Variants in TEKT1 observed in about 807,000 individuals in gnomAD.
The protein encoded by TEKT1 is tektin-1.
TEKT1 carries 32 observed loss-of-function variants against 34.8 expected under a neutral mutation model. That is an observed-to-expected ratio of 0.92 (90% confidence interval 0.69 to 1.23). The LOEUF is 1.23. Among genes scored for constraint, TEKT1 ranks in the 50% most tolerant of loss-of-function variants. The pLI is 0.00. For missense variants in TEKT1, 492 were observed against 518.5 expected (o/e 0.95, Z 0.50); for synonymous variants, 207 against 199.8 (o/e 1.04, Z -0.30).
chr17:6,826,649 TAG>T (rs1904405057), intron 2 of TEKT1, among the ~76,000 whole-genome samples: 1 of 151,592 alleles, frequency 6.6e-6, no homozygotes, highest in Admixed American at 6.6e-5. Context: ...GATAGATAGA[TAG>T]ATAGATAGAT....
intron 6 of TEKT1, among the ~76,000 whole-genome samples, chr17:6,802,768 T>C (rs1319429499): frequency 6.6e-6 from 1 of 152,176 alleles, no homozygotes; most frequent in African/African-American, 2.4e-5. Flanking sequence ...TTGCTGAGAA[T>C]GATGGTTTAG....
chr17:6,819,181 C>T lies in TEKT1; in HGVS notation c.356+12G>A, dbSNP rs567113768. ...ACAACACATGAATCATTTGAGGGAC[C>T]TTCGCTCCTACCTGTATGCCAGGCA... is the stretch of plus-strand genomic sequence containing the variant. On this transcript the variant is annotated intron_variant, in intron 3 of 7. Coordinates refer to ENST00000338694, the MANE Select transcript of TEKT1 (RefSeq NM_053285.2). 3.7e-6 allele frequency: 6 copies of T among 1,608,110 alleles called. No individual in the cohort carries two copies. The Admixed American group carries it at 8.5e-5, about 23-fold the overall frequency.
At chr17:6,812,700 A>G in intron 6 of TEKT1, 131 bp downstream of exon 6, 4 of 837,572 alleles carry the variant, frequency 4.8e-6, no homozygotes, top group Non-Finnish European at 7.4e-6. Flanking sequence ...GATATGAATG[A>G]CCCTTACCCA....
intron 5 of TEKT1, among the ~76,000 whole-genome samples, chr17:6,814,067 C>T (rs888215335): frequency 6.6e-6 from 1 of 151,736 alleles, no homozygotes; most frequent in African/African-American, 2.4e-5. Context: ...GGCCCACCAT[C>T]ACCCACAATC....
At chr17:6,830,831 T>G (rs144794289) in intron 1 of TEKT1, among the ~76,000 whole-genome samples, 1 of 152,156 alleles carries the variant, frequency 6.6e-6, no homozygotes, top group South Asian at 2.1e-4. Flanking sequence ...CTACTGTTTA[T>G]GGATATTTGG....
intron 2 of TEKT1, among the ~76,000 whole-genome samples, chr17:6,819,740 T>G (rs1465971198): frequency 1.3e-5 from 2 of 152,172 alleles, no homozygotes; most frequent in Non-Finnish European, 1.5e-5. Context: ...CAGGCTGGAG[T>G]GCAGTGGTGC....
intron 4 of TEKT1, among the ~76,000 whole-genome samples, 165 bp downstream of exon 4, chr17:6,815,669 A>T (rs1170559326): frequency 6.6e-6 from 1 of 152,124 alleles, no homozygotes; most frequent in Non-Finnish European, 1.5e-5. Flanking sequence ...TGTATGAGGG[A>T]TGTGGCCAGC....
rs1976747043 is a variant in TEKT1, at chr17:6,800,102, C to T, written c.1182G>A (p.Arg394=). Residue 394 remains arginine (R), a synonymous_variant, in exon 8 of 8, where the codon AGG becomes AGA. Coordinates refer to ENST00000338694, the MANE Select transcript of TEKT1 (RefSeq NM_053285.2). ...CCCCATCCCGAAGTGGGATGGATTT[C>T]CTCATCTGCATACACAGCACTTCGT... is the stretch of plus-strand genomic sequence containing the variant. ...YIDEVLCMQM[R]KSIPLRDGED... is the part of the protein sequence containing the mutation. 6.2e-7 allele frequency: 1 copy of T among 1,613,950 alleles called. No homozygotes were observed. The highest frequency in any genetic ancestry group is 1.3e-5 in the African/African-American group (1 of 75,072).
Position 6,798,865 on chromosome 17 carries a change from G to A in TEKT1, c.*1162C>T, listed in dbSNP as rs1976729166. ...ATAGTCCTTTCCTTACTTTACAGGT[G>A]GTCCTAAAGAAGGAGAGAAACTTTC... On this transcript the variant is annotated 3_prime_UTR_variant, in exon 8 of 8. Transcript: ENST00000338694. The A allele has an allele frequency of 6.6e-6, 1 of 152,164 alleles. No individual in the cohort carries two copies. Among genetic ancestry groups the A allele is most frequent in the East Asian group, 1.9e-4 (1 of 5,196 alleles). The allele number at this position is 152,164 out of a possible 1,614,324, so 9.4% of individuals were successfully genotyped here.
At chr17:6,813,946 TTCTCTCTCTCTCTC>T (rs71157224) in intron 5 of TEKT1, among the ~76,000 whole-genome samples, 1 of 145,852 alleles carries the variant, frequency 6.9e-6, no homozygotes, top group Non-Finnish European at 1.5e-5. Flanking sequence ...CTGTCATCCG[TTCTCTCTCTCTCTC>T]TCTCTCTCTC....
intron 2 of TEKT1, among the ~76,000 whole-genome samples, chr17:6,829,560 G>T (rs1904505790): frequency 6.9e-6 from 1 of 144,072 alleles, no homozygotes; most frequent in Admixed American, 7.2e-5. Context: ...ATCACCCAGG[G>T]TGGTCTCTAA....
At position 6,803,355 on chromosome 17, in the gene TEKT1, A is replaced by T. The variant is rs188648398; in HGVS notation, c.853-2412T>A. 2.0e-5 allele frequency among the ~76,000 whole-genome samples: 3 copies of T among 152,228 alleles called. No individual in the cohort carries two copies. In the East Asian group the frequency reaches 5.8e-4, roughly 29 times the overall value. ...TTGGAGTTCATTCTAGATTCTGGAT[A>T]TTAGCCCTTTGTCAGATGAGTAGAC... On this transcript the variant is annotated intron_variant, in intron 6 of 7. Coordinates refer to ENST00000338694, the MANE Select transcript of TEKT1 (RefSeq NM_053285.2).
chr17:6,824,572 C>A (rs1280014268), intron 2 of TEKT1, among the ~76,000 whole-genome samples: 1 of 152,148 alleles, frequency 6.6e-6, no homozygotes, highest in Non-Finnish European at 1.5e-5. Flanking sequence ...TATCGAGCAC[C>A]TTTTCTCTCC....
chr17:6,801,470 G>A (rs1394842509), intron 6 of TEKT1, among the ~76,000 whole-genome samples: 1 of 152,152 alleles, frequency 6.6e-6, no homozygotes, highest in East Asian at 1.9e-4. Context: ...AGCACTTTGG[G>A]AGGCTGAGGA....
At position 6,805,671 on chromosome 17, in the gene TEKT1, T is replaced by C. The variant is rs373264550; in HGVS notation, c.853-4728A>G. On this transcript the variant is annotated intron_variant, in intron 6 of 7. Coordinates refer to ENST00000338694, the MANE Select transcript of TEKT1 (RefSeq NM_053285.2). Reference sequence around the variant, plus strand: ...CAGAGATTCTGGTATGTTGTGTCTTTGTTCTCATTGGTTTCAAAGAACATC... The same window carrying C: ...CAGAGATTCTGGTATGTTGTGTCTTCGTTCTCATTGGTTTCAAAGAACATC... Among the ~76,000 whole-genome samples the C allele has an allele frequency of 4.6e-5, 7 of 152,370 alleles. No homozygotes were observed. In the East Asian group the frequency reaches 7.7e-4, roughly 17 times the overall value.
At chr17:6,807,737 A>C (rs1976865588) in intron 6 of TEKT1, among the ~76,000 whole-genome samples, 1 of 152,212 alleles carries the variant, frequency 6.6e-6, no homozygotes, top group Non-Finnish European at 1.5e-5. Context: ...GGTCCACTCC[A>C]AACCCTGTTT....
intron 6 of TEKT1, among the ~76,000 whole-genome samples, chr17:6,804,564 G>A (rs950977355): frequency 6.6e-6 from 1 of 152,108 alleles, no homozygotes. Flanking sequence ...TGTTTCCAGT[G>A]TTTGCCCATT....
Position 6,830,114 on chromosome 17 carries a change from A to G in TEKT1, c.190+73T>C, listed in dbSNP as rs1220308858. On this transcript the variant is annotated intron_variant, in intron 2 of 7. Transcript: ENST00000338694. ...CAAAAATAATATGTTGCCACATCTG[A>G]ACATGACACTATAGCTAAACTCAAC... 1.4e-5 allele frequency: 20 copies of G among 1,421,016 alleles called. No homozygotes were observed. In the Admixed American group the frequency reaches 4.6e-4, roughly 33 times the overall value. The allele number at this position is 1,421,016 out of a possible 1,614,324, so 88.0% of individuals were successfully genotyped here.
chr17:6,829,629 C>T (rs928396775), intron 2 of TEKT1, among the ~76,000 whole-genome samples: 6 of 151,874 alleles, frequency 4.0e-5, no homozygotes. Context: ...ACTAACAGCA[C>T]ATGCTACCAC....
Sources: gnomAD v4.1 joint callset for allele counts (sites outside exome capture counted in the v4.1 genomes callset) on GRCh38, gnomAD v4.1.1 for gene constraint, MANE v1.5 for transcripts, NCBI Gene and HGNC (gene_info 2026-07-23, HGNC 2026-07-21) for gene names.